The following CRYBB3 variants were observed in gnomAD, a reference collection of about 807,000 sequenced individuals.
CRYBB3 encodes crystallin beta B3, also known as beta-crystallin B3.
Under a neutral mutation model 28.3 loss-of-function variants are expected in CRYBB3, and 35 were observed. The ratio of observed to expected loss-of-function variants is 1.24; its 90% CI spans 0.95 to 1.64. CRYBB3 has a LOEUF of 1.64. CRYBB3 is among the 40% of genes most tolerant of loss of function. The pLI, the probability that CRYBB3 is intolerant of heterozygous loss-of-function variation, is 0.00. For synonymous variants in CRYBB3, 106 were observed against 110.4 expected (o/e 0.96, Z 0.25); for missense variants, 296 against 297.4 (o/e 1.00, Z 0.04).
chr22:25,207,016 C>T (rs768477887), intron 5 of CRYBB3, 31 bp from the exon 6 acceptor site: 27 of 1,575,394 alleles, frequency 1.7e-5, no homozygotes, highest in East Asian at 1.3e-4. Context: ...GGAAGCAGAC[C>T]GTCCACATCT....
At chr22:25,202,451 G>A (rs778272126) in intron 2 of CRYBB3, among the ~76,000 whole-genome samples, 3 of 152,200 alleles carry the variant, frequency 2.0e-5, no homozygotes, top group Non-Finnish European at 2.9e-5. Flanking sequence ...GGCTCCTGCT[G>A]GACATCAGAG....
At chr22:25,200,816 G>C (rs981135763) in intron 1 of CRYBB3, among the ~76,000 whole-genome samples, 1 of 152,212 alleles carries the variant, frequency 6.6e-6, no homozygotes, top group Non-Finnish European at 1.5e-5. Flanking sequence ...AGGTCTGTCT[G>C]TCCACCTCCC....
At chr22:25,201,734 T>C (rs1934952534) in intron 2 of CRYBB3, among the ~76,000 whole-genome samples, 1 of 113,226 alleles carries the variant, frequency 8.8e-6, no homozygotes, top group African/African-American at 4.2e-5. Context: ...GGCCCGGGGG[T>C]TTCTGGAAAC....
chr22:25,206,263 T>G (rs368262084), intron 5 of CRYBB3, among the ~76,000 whole-genome samples: 23 of 152,178 alleles, frequency 1.5e-4, no homozygotes, highest in East Asian at 5.8e-4. Context: ...TCAAAAAATT[T>G]GCGTAGTCTG....
intron 1 of CRYBB3, 148 bp from the exon 2 acceptor site, chr22:25,201,229 G>C (rs1222867032): frequency 6.9e-7 from 1 of 1,457,076 alleles, no homozygotes; most frequent in Non-Finnish European, 9.2e-7. Flanking sequence ...GTGCTCAATG[G>C]ATGTTTGCTG....
chr22:25,200,742 G>A (rs1009857857), intron 1 of CRYBB3, among the ~76,000 whole-genome samples: 7 of 152,130 alleles, frequency 4.6e-5, no homozygotes, highest in Admixed American at 1.3e-4. Context: ...ATGAGTAACC[G>A]AACGCAGGGA....
At chr22:25,202,214 C>T (rs570922480) in intron 2 of CRYBB3, among the ~76,000 whole-genome samples, 2 of 152,176 alleles carry the variant, frequency 1.3e-5, no homozygotes, top group African/African-American at 2.4e-5. Context: ...CCTTGGTCTG[C>T]CTTTGCAGCC....
chr22:25,206,582 A>C (rs1177431524), intron 5 of CRYBB3, among the ~76,000 whole-genome samples: 1 of 152,186 alleles, frequency 6.6e-6, no homozygotes, highest in African/African-American at 2.4e-5. Flanking sequence ...AGAGACAGAC[A>C]AAGTAACAGG....
At chr22:25,204,014 G>A (rs1934991386) in intron 4 of CRYBB3, 119 bp downstream of exon 4, 1 of 1,229,584 alleles carries the variant, frequency 8.1e-7, no homozygotes, top group Admixed American at 1.7e-5. Context: ...CCTGGCCTGG[G>A]AAGGGCCCTC....
rs1299825636 is a variant in CRYBB3 at position 25,201,609 on chromosome 22, G to T, written c.75+138G>T. ...GGCCAGGACAAAACGCTCCGGGTGG[G>T]TCCTCTCACTGCCACCCTCCCGTTA... On this transcript the variant is annotated intron_variant, in intron 2 of 5. Coordinates refer to ENST00000215855, the MANE Select transcript of CRYBB3 (RefSeq NM_004076.5). The T allele has an allele frequency of 3.5e-6, 5 of 1,418,390 alleles. No individual in the cohort carries two copies. The African/African-American group carries it at 7.2e-5, about 20-fold the overall frequency. The allele number at this position is 1,418,390 out of a possible 1,614,324, so 87.9% of individuals were successfully genotyped here. A position where few individuals can be genotyped will look rare whatever the true frequency, so the allele number is the denominator to read the frequency against.
At chr22:25,205,160 C>T (rs1569009090) in intron 4 of CRYBB3, 60 bp from the exon 5 acceptor site, 2 of 1,607,970 alleles carry the variant, frequency 1.2e-6, no homozygotes, top group Non-Finnish European at 8.5e-7. Context: ...GCATCTGGAG[C>T]CTCCTTGACC....
Position 25,205,316 on chromosome 22 carries a change from C to A in CRYBB3, c.424C>A (p.His142Asn). ...TGATGACGTGCCCAGCCTGTGGGCT[C>A]ATGGCTTCCAGGACCGTGTGGCGAG... Reference protein sequence around the residue: ...VDDDVPSLWAHGFQDRVASVR... With the variant: ...VDDDVPSLWANGFQDRVASVR... Residue 142 changes from histidine (H) to asparagine (N), a missense_variant, in exon 5 of 6, where the codon CAT (histidine) becomes AAT (asparagine). His to Asn is a moderately conservative substitution (Grantham distance 68). Coordinates refer to ENST00000215855, the MANE Select transcript of CRYBB3 (RefSeq NM_004076.5). 1 of 1,614,128 alleles carries A rather than the reference C, an allele frequency of 6.2e-7. No individual in the cohort carries two copies. The highest frequency in any genetic ancestry group is 8.5e-7 in the Non-Finnish European group (1 of 1,180,040).
rs561701759 is a variant in CRYBB3 at position 25,201,594 on chromosome 22, A to G, written c.75+123A>G. 1.6e-4 allele frequency: 235 copies of G among 1,466,806 alleles called. 2 individuals are homozygous for G. In the South Asian group the frequency reaches 2.9e-3, roughly 18 times the overall value. 90.9% of individuals were successfully genotyped at this position (1,466,806 alleles called of 1,614,324 possible). ...CCTTCCAACCACCCAGGCCAGGACA[A>G]AACGCTCCGGGTGGGTCCTCTCACT... On this transcript the variant is annotated intron_variant, in intron 2 of 5. Coordinates refer to ENST00000215855, the MANE Select transcript of CRYBB3 (RefSeq NM_004076.5).
At chr22:25,206,208 G>A (rs1935030740) in intron 5 of CRYBB3, among the ~76,000 whole-genome samples, 1 of 151,424 alleles carries the variant, frequency 6.6e-6, no homozygotes, top group Non-Finnish European at 1.5e-5. Context: ...CTATATGCTG[G>A]TGTGCTGATA....
rs749562637 is a variant in CRYBB3, at chr22:25,202,747, A to G, written c.149A>G (p.Asp50Gly). The G allele has an allele frequency of 1.9e-6, 3 of 1,614,072 alleles. No homozygotes were observed. Among genetic ancestry groups the G allele is most frequent in the South Asian group, 1.1e-5 (1 of 91,066 alleles). Residue 50 changes from aspartate (D) to glycine (G), a missense_variant, in exon 3 of 6, where the codon GAC becomes GGC. Asp to Gly is a moderately conservative substitution (Grantham distance 94). Coordinates refer to ENST00000215855, the MANE Select transcript of CRYBB3 (RefSeq NM_004076.5). ...TCGGCCGAGTGCCCCAGCCTGACCG[A>G]CAGCCTGCTGGAGAAGGTGGGCTCC... ...ELSAECPSLT[D>G]SLLEKVGSIQ...
intron 1 of CRYBB3, among the ~76,000 whole-genome samples, chr22:25,200,344 G>T (rs77259856): frequency 6.6e-6 from 1 of 152,096 alleles, no homozygotes; most frequent in Non-Finnish European, 1.5e-5. Flanking sequence ...TGGGGTGGCC[G>T]TGCTGGGAGC....
Position 25,203,748 on chromosome 22 carries a change from C to T in CRYBB3, c.195-15C>T. The T allele has an allele frequency of 6.2e-7, 1 of 1,614,160 alleles. No individual in the cohort carries two copies. The highest frequency in any genetic ancestry group is 8.5e-7 in the Non-Finnish European group (1 of 1,180,018). On this transcript the variant is annotated splice_polypyrimidine_tract_variant and intron_variant, in intron 3 of 5. Coordinates refer to ENST00000215855, the MANE Select transcript of CRYBB3 (RefSeq NM_004076.5). ...TGCAGCAAAGGTGACCCAGCCAAGCCTCTTCCTCCCTCAGGTGGCTGGCAT... is the reference window on the plus strand; with the variant it reads ...TGCAGCAAAGGTGACCCAGCCAAGCTTCTTCCTCCCTCAGGTGGCTGGCAT...
rs756648232 is a variant in CRYBB3 at position 25,205,212 on chromosome 22, G to A, written c.328-8G>A. The A allele has an allele frequency of 2.5e-6, 4 of 1,613,662 alleles. No individual in the cohort carries two copies. Among genetic ancestry groups the A allele is most frequent in the Non-Finnish European group, 3.4e-6 (4 of 1,179,846 alleles). On this transcript the variant is annotated splice_polypyrimidine_tract_variant and splice_region_variant and intron_variant, in intron 4 of 5. Coordinates refer to ENST00000215855, the MANE Select transcript of CRYBB3 (RefSeq NM_004076.5). ...GAGCAGCCGCTCACCCCACGATATT[G>A]CCCTCAGGATAGTCCACATCACAAG...
Position 25,207,292 on chromosome 22 carries a change from AG to A in CRYBB3, c.*83del. The A allele has an allele frequency of 7.8e-7, 1 of 1,282,866 alleles. No homozygotes were observed. Among genetic ancestry groups the A allele is most frequent in the Non-Finnish European group, 1.1e-6 (1 of 926,016 alleles). The allele number at this position is 1,282,866 out of a possible 1,614,324, so 79.5% of individuals were successfully genotyped here. A position where few individuals can be genotyped will look rare whatever the true frequency, so the allele number is the denominator to read the frequency against. ...AAGAGGAGGCTCCAGGGTTGGGGCG[AG>A]GGCCGACCTGTCCACCCTTCCCTGG... On this transcript the variant is annotated 3_prime_UTR_variant, in exon 6 of 6. Transcript: ENST00000215855.
Sources: gnomAD v4.1 joint callset for allele counts (sites outside exome capture counted in the v4.1 genomes callset) on GRCh38, gnomAD v4.1.1 for gene constraint, MANE v1.5 for transcripts, NCBI Gene and HGNC (gene_info 2026-07-23, HGNC 2026-07-21) for gene names.